The following PARD3 variants were observed in gnomAD, a reference collection of about 807,000 sequenced individuals.
The protein encoded by PARD3 is partitioning defective 3 homolog.
In PARD3, 75 loss-of-function variants were observed where a neutral mutation model predicts 155.4. The observed-to-expected ratio is 0.48, with a 90% CI of 0.40 to 0.58. The LOEUF (loss-of-function observed/expected upper bound fraction) is 0.58, where lower values mean the gene tolerates loss of function less well. PARD3 is among the 20% of genes least tolerant of loss of function. The pLI, the probability that PARD3 is intolerant of heterozygous loss-of-function variation, is 0.00. For missense variants in PARD3, 1,642 were observed against 1,721.7 expected, an observed-to-expected ratio of 0.95 and a Z score of 0.82; for synonymous variants, 576 against 610.5, an observed-to-expected ratio of 0.94 and a Z score of 0.83.
chr10:34,624,660 G>C (rs1011420727), intron 2 of PARD3, among the ~76,000 whole-genome samples: 4 of 152,238 alleles, frequency 2.6e-5, no homozygotes, highest in Non-Finnish European at 5.9e-5. Flanking sequence ...CTACAGACAG[G>C]AGGATGATGG....
intron 5 of PARD3, among the ~76,000 whole-genome samples, chr10:34,417,764 C>G (rs893028624): frequency 1.3e-5 from 2 of 152,168 alleles, no homozygotes; most frequent in Non-Finnish European, 2.9e-5. Context: ...AGGTACTTTT[C>G]AATGTGGTAC....
intron 22 of PARD3, among the ~76,000 whole-genome samples, chr10:34,136,235 T>TA (rs1208694360): frequency 6.6e-6 from 1 of 152,212 alleles, no homozygotes; most frequent in Non-Finnish European, 1.5e-5. Flanking sequence ...ACTGTCCAGA[T>TA]AGTCTTGTTT....
chr10:34,328,442 A>G (rs1228360772), intron 19 of PARD3, among the ~76,000 whole-genome samples: 1 of 152,174 alleles, frequency 6.6e-6, no homozygotes, highest in African/African-American at 2.4e-5. Flanking sequence ...CATCTAAACC[A>G]TCTAAGCCAG....
At chr10:34,113,450 C>T (rs1417901318) in intron 24 of PARD3, among the ~76,000 whole-genome samples, 1 of 151,980 alleles carries the variant, frequency 6.6e-6, no homozygotes, top group Non-Finnish European at 1.5e-5. Flanking sequence ...GCAGACTGCC[C>T]TGAGGTCTGA....
chr10:34,188,733 G>C (rs2133247314), intron 22 of PARD3, among the ~76,000 whole-genome samples: 1 of 150,192 alleles, frequency 6.7e-6, no homozygotes, highest in African/African-American at 2.5e-5. Context: ...ATATTCATAT[G>C]GCAACTTAAA....
At chr10:34,640,040 T>G (rs549346569) in intron 2 of PARD3, among the ~76,000 whole-genome samples, 148 of 152,318 alleles carry the variant, frequency 9.7e-4, no homozygotes, top group Admixed American at 1.7e-3. Flanking sequence ...CTCCCAAGAT[T>G]CTATATTCAG....
chr10:34,517,246 G>T, intron 2 of PARD3, 87 bp from the exon 3 acceptor site: 1 of 1,219,508 alleles, frequency 8.2e-7, no homozygotes, highest in Non-Finnish European at 1.1e-6. Context: ...TAATTCTACA[G>T]TGCAAAAATA....
chr10:34,415,289 G>A (rs956706961), intron 5 of PARD3, among the ~76,000 whole-genome samples: 5 of 152,186 alleles, frequency 3.3e-5, no homozygotes, highest in Admixed American at 2.6e-4. Context: ...ACAGAGTTGG[G>A]AAGACACATG....
intron 5 of PARD3, among the ~76,000 whole-genome samples, chr10:34,442,663 G>A (rs1269872249): frequency 1.3e-5 from 2 of 152,196 alleles, no homozygotes; most frequent in African/African-American, 4.8e-5. Flanking sequence ...GAAGCCAGGA[G>A]TTTGAGACCA....
chr10:34,624,753 G>A (rs1395698574), intron 2 of PARD3, among the ~76,000 whole-genome samples: 3 of 152,226 alleles, frequency 2.0e-5, no homozygotes, highest in African/African-American at 7.2e-5. Flanking sequence ...AGTGCCAGCT[G>A]CTCAGCCCGC....
At chr10:34,508,931 A>G (rs893515889) in intron 3 of PARD3, among the ~76,000 whole-genome samples, 4 of 152,192 alleles carry the variant, frequency 2.6e-5, no homozygotes, top group South Asian at 2.1e-4. Context: ...TGTGAACATT[A>G]TCTCATTACT....
intron 3 of PARD3, among the ~76,000 whole-genome samples, chr10:34,500,970 A>G (rs1310879197): frequency 6.6e-6 from 1 of 152,186 alleles, no homozygotes; most frequent in Non-Finnish European, 1.5e-5. Context: ...AAATTACTAT[A>G]TTACTTTTAA....
intron 1 of PARD3, among the ~76,000 whole-genome samples, chr10:34,732,194 T>C (rs1197909627): frequency 1.3e-5 from 2 of 152,110 alleles, no homozygotes; most frequent in African/African-American, 4.8e-5. Flanking sequence ...AAACGCAATC[T>C]TCTGAAAACA....
chr10:34,141,593 C>T (rs775469056), intron 22 of PARD3, among the ~76,000 whole-genome samples: 4 of 152,304 alleles, frequency 2.6e-5, no homozygotes, highest in Middle Eastern at 6.8e-3. Context: ...CCTCTGTGGT[C>T]TCTGGGTAAC....
chr10:34,488,843 G>A (rs1259457687), intron 3 of PARD3: 1 of 154,810 alleles, frequency 6.5e-6, no homozygotes, highest in East Asian at 1.8e-4. Flanking sequence ...CATCTGTGAA[G>A]ATGGTGATGC....
chr10:34,627,839 A>C (rs2092060119), intron 2 of PARD3, among the ~76,000 whole-genome samples: 1 of 152,168 alleles, frequency 6.6e-6, no homozygotes, highest in Admixed American at 6.5e-5. Flanking sequence ...CCTCTGACTG[A>C]AATAGTTTAA....
intron 1 of PARD3, among the ~76,000 whole-genome samples, chr10:34,750,706 T>TTTG (rs397969097): frequency 6.6e-6 from 1 of 150,896 alleles, no homozygotes; most frequent in East Asian, 1.9e-4. Flanking sequence ...TTTTTTTTTT[T>TTTG]GAGATGGAGT....
chr10:34,659,684 A>G (rs745602276), intron 2 of PARD3, among the ~76,000 whole-genome samples: 5 of 152,178 alleles, frequency 3.3e-5, no homozygotes, highest in Non-Finnish European at 7.4e-5. Context: ...AAGGATGGTG[A>G]AAATGACTCC....
chr10:34,309,571 AAAAAAAAAAAG>A, intron 20 of PARD3, among the ~76,000 whole-genome samples: 1 of 139,512 alleles, frequency 7.2e-6, no homozygotes, highest in South Asian at 2.3e-4. Flanking sequence ...AAAAAAAAAA[AAAAAAAAAAAG>A]GCAGACACAG....
Sources: allele counts gnomAD v4.1 joint callset (sites outside exome capture counted in the v4.1 genomes callset), GRCh38; gene constraint gnomAD v4.1.1; transcripts MANE v1.5; gene names NCBI Gene and HGNC (gene_info 2026-07-23, HGNC 2026-07-21).